FAM133A: variants seen among roughly 807,000 people sequenced by gnomAD.
The protein encoded by FAM133A is family with sequence similarity 133 member A.
For synonymous variants in FAM133A, 65 were observed against 58.6 expected (o/e 1.11, Z -0.50); for missense variants, 159 against 164.4 (o/e 0.97, Z 0.18).
intron 3 of FAM133A, among the ~76,000 whole-genome samples, chrX:93,706,118 A>T (rs1927030048): frequency 8.9e-6 from 1 of 112,262 alleles, no homozygotes; most frequent in Admixed American, 9.5e-5. Context: ...TCAGATCTGA[A>T]CTTGACTGAT....
At chrX:93,696,210 T>G (rs997762777) in intron 2 of FAM133A, among the ~76,000 whole-genome samples, 1 of 110,760 alleles carries the variant, frequency 9.0e-6, no homozygotes, top group Non-Finnish European at 1.9e-5. Flanking sequence ...AATAACTGAT[T>G]TGGGTTGGGG....
Position 93,710,052 on chromosome X carries a change from G to A in FAM133A, c.633G>A (p.Arg211=). 8.3e-7 allele frequency: 1 copy of A among 1,202,226 alleles called. No individual in the cohort carries two copies. The highest frequency in any genetic ancestry group is 1.1e-6 in the Non-Finnish European group (1 of 889,712). The change falls in exon 4 of 4, where the codon AGG becomes AGA. Residue 211 remains arginine (R), a synonymous_variant. Transcript: ENST00000683942. The part of the protein sequence containing the change: ...EEDVQAKKKR[R]CEEREQAKEK... ...ATGTGCAAGCAAAAAAGAAGAGAAG[G>A]TGTGAAGAGCGAGAACAAGCAAAGG...
At chrX:93,706,864 C>G (rs1379054850) in intron 3 of FAM133A, among the ~76,000 whole-genome samples, 3 of 111,755 alleles carry the variant, frequency 2.7e-5, no homozygotes, top group Admixed American at 9.5e-5. Context: ...TTTAAGTGGT[C>G]CCATTGCCTT....
At chrX:93,691,106 G>A (rs1290454143) in intron 2 of FAM133A, among the ~76,000 whole-genome samples, 2 of 111,590 alleles carry the variant, frequency 1.8e-5, no homozygotes, top group African/African-American at 6.5e-5. Context: ...TTTCTCTTAT[G>A]TTCTTTTAAT....
In FAM133A at chrX:93,674,708, C is replaced by T. The variant is rs1201735154; in HGVS notation, c.-237C>T. The T allele has an allele frequency of 1.8e-5, 2 of 110,865 alleles. No individual in the cohort carries two copies. The highest frequency in any genetic ancestry group is 6.6e-5 in the African/African-American group (2 of 30,489). The allele number at this position is 110,865 out of a possible 1,213,427, so 9.1% of individuals were successfully genotyped here. On this transcript the variant is annotated 5_prime_UTR_variant, in exon 2 of 4. Transcript: ENST00000683942. The stretch of plus-strand genomic sequence containing the variant: ...TTTTTTTTTCTGCTACAGAACAACT[C>T]CCTTGGTACAATAAAAAAGACGAGT...
intron 2 of FAM133A, among the ~76,000 whole-genome samples, chrX:93,687,335 G>A (rs899137979): frequency 9.0e-6 from 1 of 110,874 alleles, no homozygotes; most frequent in South Asian, 3.9e-4. Context: ...TGAGGACTCG[G>A]ATGGAGGGGT....
chrX:93,703,254 A>T (rs900717053), intron 3 of FAM133A, among the ~76,000 whole-genome samples: 2 of 111,735 alleles, frequency 1.8e-5, no homozygotes, highest in Non-Finnish European at 3.8e-5. Flanking sequence ...TCCTCAAGAC[A>T]GTCACGGTCA....
Position 93,709,913 on chromosome X carries a change from A to G in FAM133A, c.494A>G (p.Asp165Gly). 2 of 1,193,724 alleles carry G rather than the reference A, an allele frequency of 1.7e-6. No individual in the cohort carries two copies. The highest frequency in any genetic ancestry group is 2.3e-6 in the Non-Finnish European group (2 of 888,751). The change falls in exon 4 of 4, where the codon GAT becomes GGT. Residue 165 changes from aspartate to glycine, a missense_variant. By Grantham distance (94) the Asp-to-Gly change is moderately conservative. Coordinates refer to ENST00000683942, the MANE Select transcript of FAM133A (RefSeq NM_001171109.2). Reference sequence around the variant, plus strand: ...GTAAAAAAGAAAAAGAAGTCAAAGGATGAAACAGAGAAAGAAAAGGATGTA... The same window carrying G: ...GTAAAAAAGAAAAAGAAGTCAAAGGGTGAAACAGAGAAAGAAAAGGATGTA... The part of the protein sequence containing the change: ...ESVKKKKKSK[D>G]ETEKEKDVRS...
chrX:93,680,168 A>AT (rs1480928393), intron 2 of FAM133A, among the ~76,000 whole-genome samples: 2 of 108,907 alleles, frequency 1.8e-5, no homozygotes, highest in African/African-American at 6.7e-5. Flanking sequence ...TGAATGTGAC[A>AT]TTTTTATGCT....
At chrX:93,706,370 G>T (rs2147665713) in intron 3 of FAM133A, among the ~76,000 whole-genome samples, 1 of 111,370 alleles carries the variant, frequency 9.0e-6, no homozygotes. Flanking sequence ...TTCATTCACT[G>T]CCAACCCCTT....
intron 3 of FAM133A, among the ~76,000 whole-genome samples, chrX:93,707,756 C>A (rs1470209753): frequency 3.6e-5 from 4 of 111,456 alleles, no homozygotes; most frequent in Non-Finnish European, 7.5e-5. Context: ...CCCTCTGAAT[C>A]CTCCTTTCTC....
chrX:93,700,851 T>TA (rs1471924594), intron 3 of FAM133A, among the ~76,000 whole-genome samples: 1 of 111,591 alleles, frequency 9.0e-6, no homozygotes, highest in African/African-American at 3.3e-5. Context: ...AGAAATACAT[T>TA]AAAAAAATTT....
chrX:93,680,283 T>A (rs776441838), intron 2 of FAM133A, among the ~76,000 whole-genome samples: 1 of 111,548 alleles, frequency 9.0e-6, no homozygotes, highest in Non-Finnish European at 1.9e-5. Context: ...ATTTCCCTTT[T>A]TAAAGTCTGA....
At chrX:93,693,844 C>T (rs1418494964) in intron 2 of FAM133A, among the ~76,000 whole-genome samples, 2 of 111,764 alleles carry the variant, frequency 1.8e-5, no homozygotes, top group African/African-American at 3.2e-5. Flanking sequence ...TTAGCATTTG[C>T]TTCTTTCAAA....
chrX:93,710,054 G>A lies in FAM133A; in HGVS notation c.635G>A (p.Cys212Tyr). The A allele has an allele frequency of 8.3e-7, 1 of 1,202,797 alleles. No homozygotes were observed. Among genetic ancestry groups the A allele is most frequent in the Non-Finnish European group, 1.1e-6 (1 of 890,033 alleles). ...EDVQAKKKRR[C>Y]EEREQAKEKV... ...GTGCAAGCAAAAAAGAAGAGAAGGT[G>A]TGAAGAGCGAGAACAAGCAAAGGAA... The change falls in exon 4 of 4, where the codon TGT (cysteine) becomes TAT (tyrosine). Residue 212 changes from cysteine to tyrosine, a missense_variant. Transcript: ENST00000683942.
At chrX:93,689,299 C>T (rs1156899250) in intron 2 of FAM133A, among the ~76,000 whole-genome samples, 1 of 110,954 alleles carries the variant, frequency 9.0e-6, no homozygotes, top group Non-Finnish European at 1.9e-5. Flanking sequence ...ACCTCGGCCT[C>T]CCAAAGTGCT....
intron 3 of FAM133A, among the ~76,000 whole-genome samples, chrX:93,703,167 C>A (rs1926837347): frequency 9.0e-6 from 1 of 111,361 alleles, no homozygotes; most frequent in Admixed American, 9.6e-5. Flanking sequence ...CCAGCCTGGG[C>A]AACAGAGTGA....
chrX:93,693,982 A>G (rs1003698191), intron 2 of FAM133A, among the ~76,000 whole-genome samples: 1 of 111,240 alleles, frequency 9.0e-6, no homozygotes, highest in African/African-American at 3.3e-5. Context: ...CCTGTATTTT[A>G]GACCTTTTAC....
intron 3 of FAM133A, among the ~76,000 whole-genome samples, chrX:93,702,863 A>AC (rs1926806060): frequency 2.3e-5 from 2 of 88,807 alleles, no homozygotes; most frequent in African/African-American, 4.0e-5. Context: ...AAAAAAAAAA[A>AC]AAAAAAACAA....
Sources: gnomAD v4.1 joint callset for allele counts (sites outside exome capture counted in the v4.1 genomes callset) on GRCh38, gnomAD v4.1.1 for gene constraint, MANE v1.5 for transcripts, NCBI Gene and HGNC (gene_info 2026-07-23, HGNC 2026-07-21) for gene names.